The following FHIT variants were observed in gnomAD, a reference collection of about 807,000 sequenced individuals.
The protein encoded by FHIT is bis(5'-adenosyl)-triphosphatase.
FHIT carries 19 observed loss-of-function variants against 17.9 expected under a neutral mutation model. That is an observed-to-expected ratio of 1.06 (90% CI 0.74 to 1.56). FHIT has a LOEUF of 1.56. Ranked by LOEUF, FHIT falls within the 40% of genes most tolerant of loss-of-function variation. The pLI, the probability that FHIT is intolerant of heterozygous loss-of-function variation, is 0.00. For missense variants in FHIT, 248 were observed against 189.2 expected (o/e 1.31, Z -1.82); for synonymous variants, 81 against 69.7 (o/e 1.16, Z -0.81).
In FHIT at chr3:60,253,356, GAAC is replaced by G. The variant is rs1705824638; in HGVS notation, c.104-239207_104-239205del. Among the ~76,000 whole-genome samples, 3 of 152,268 alleles carry G rather than the reference GAAC, an allele frequency of 2.0e-5. 1 individual carries two copies. Among genetic ancestry groups the G allele is most frequent in the African/African-American group, 2.4e-5 (1 of 41,556 alleles). On this transcript the variant is annotated intron_variant, in intron 5 of 9. Transcript: ENST00000492590. The stretch of plus-strand genomic sequence containing the variant: ...ATTCTGGCATGTTTCTAGTTATTAA[GAAC>G]AACTCTGCTGAACAGCAATTTGGGA...
Position 60,888,704 on chromosome 3 carries a change from T to C in FHIT, c.-110-66693A>G, listed in dbSNP as rs369026031. ...TAAGATATTACTTGATTACATTCAA[T>C]AGGCATAATGTCCATATAAGAACAA... On this transcript the variant is annotated intron_variant, in intron 3 of 9. Coordinates refer to ENST00000492590, the MANE Select transcript of FHIT (RefSeq NM_002012.4). 2.1e-4 allele frequency among the ~76,000 whole-genome samples: 32 copies of C among 152,344 alleles called. 1 individual carries two copies. In the South Asian group the frequency reaches 4.1e-3, roughly 20 times the overall value.
chr3:59,752,837 A>C (rs926315763), intron 8 of FHIT, among the ~76,000 whole-genome samples: 29 of 152,168 alleles, frequency 1.9e-4, no homozygotes, highest in Admixed American at 7.2e-4. Flanking sequence ...CTTTCTGTAC[A>C]GCCTGAGAAA....
At chr3:60,605,075 A>G (rs965681386) in intron 4 of FHIT, among the ~76,000 whole-genome samples, 11 of 152,080 alleles carry the variant, frequency 7.2e-5, no homozygotes, top group African/African-American at 2.4e-4. Flanking sequence ...TTTGTTCACA[A>G]CTAAGTTGAG....
intron 3 of FHIT, among the ~76,000 whole-genome samples, chr3:60,950,026 A>G (rs1027531803): frequency 2.0e-5 from 3 of 152,232 alleles, no homozygotes; most frequent in African/African-American, 7.2e-5. Flanking sequence ...TGGAGCTAAA[A>G]AATTCCTACT....
intron 4 of FHIT, among the ~76,000 whole-genome samples, chr3:60,813,990 G>T (rs1217685429): frequency 6.6e-6 from 1 of 151,738 alleles, no homozygotes; most frequent in African/African-American, 2.4e-5. Flanking sequence ...TTATTTAAAG[G>T]CTATCTCTTA....
intron 8 of FHIT, among the ~76,000 whole-genome samples, chr3:59,827,816 T>A (rs1040646194): frequency 6.6e-6 from 1 of 152,238 alleles, no homozygotes; most frequent in African/African-American, 2.4e-5. Flanking sequence ...GATCTACAGA[T>A]AATGTATATT....
chr3:60,225,852 C>T (rs1455580357), intron 5 of FHIT, among the ~76,000 whole-genome samples: 1 of 152,096 alleles, frequency 6.6e-6, no homozygotes, highest in East Asian at 1.9e-4. Flanking sequence ...TCCACTTTTG[C>T]ACTTCCCTCA....
At chr3:60,284,804 G>T (rs1164277790) in intron 5 of FHIT, among the ~76,000 whole-genome samples, 1 of 152,056 alleles carries the variant, frequency 6.6e-6, no homozygotes, top group African/African-American at 2.4e-5. Context: ...TAACAGTAGT[G>T]GTAGCAATGG....
rs552599199 is a variant in FHIT at position 60,533,024 on chromosome 3, C to G, written c.103+3836G>C. On this transcript the variant is annotated intron_variant, in intron 5 of 9. Transcript: ENST00000492590. ...CATTTTACATAAAGATGCCAATATA[C>G]TGCCCTTAAAACACAGATTGGTCCA... Among the ~76,000 whole-genome samples the G allele has an allele frequency of 7.9e-5, 12 of 152,314 alleles. No homozygotes were observed. In the South Asian group the frequency reaches 2.3e-3, roughly 29 times the overall value.
At chr3:60,520,962 G>T (rs146319688) in intron 5 of FHIT, among the ~76,000 whole-genome samples, 1 of 150,840 alleles carries the variant, frequency 6.6e-6, no homozygotes, top group Non-Finnish European at 1.5e-5. Context: ...CCTCATAGAA[G>T]AGAAAAAAAA....
intron 8 of FHIT, among the ~76,000 whole-genome samples, chr3:59,791,470 C>T (rs1332530701): frequency 6.6e-6 from 1 of 152,118 alleles, no homozygotes; most frequent in Non-Finnish European, 1.5e-5. Context: ...ATTGCTTGTG[C>T]CCCTGGATCC....
intron 8 of FHIT, among the ~76,000 whole-genome samples, chr3:59,803,134 C>T (rs181284507): frequency 4.6e-5 from 7 of 152,238 alleles, no homozygotes; most frequent in Admixed American, 3.3e-4. Flanking sequence ...TTTATGTTTC[C>T]GCTACATTTA....
chr3:60,756,093 C>G (rs186983591), intron 4 of FHIT, among the ~76,000 whole-genome samples: 236 of 152,230 alleles, frequency 1.6e-3, no homozygotes, highest in Non-Finnish European at 2.7e-3. Context: ...AAGAAAATAC[C>G]TGGCACAGAG....
chr3:60,374,054 C>A (rs571881211), intron 5 of FHIT, among the ~76,000 whole-genome samples: 143 of 152,286 alleles, frequency 9.4e-4, no homozygotes, highest in Non-Finnish European at 1.9e-3. Context: ...TTGAAATTTA[C>A]ATGACACTGG....
chr3:60,538,284 A>G (rs895523521), intron 4 of FHIT, among the ~76,000 whole-genome samples: 4 of 152,236 alleles, frequency 2.6e-5, no homozygotes, highest in Non-Finnish European at 2.9e-5. Context: ...TCAACGAAAT[A>G]AAAGAGGACA....
At chr3:60,236,653 C>T (rs910922289) in intron 5 of FHIT, among the ~76,000 whole-genome samples, 5 of 151,982 alleles carry the variant, frequency 3.3e-5, no homozygotes, top group African/African-American at 7.3e-5. Flanking sequence ...TTCATGTATC[C>T]ATCTATTAGA....
intron 7 of FHIT, among the ~76,000 whole-genome samples, chr3:59,985,272 G>A (rs918980848): frequency 6.6e-6 from 1 of 152,062 alleles, no homozygotes. Context: ...AACACAGAAT[G>A]CTCCGCCTTC....
At chr3:60,866,746 C>T (rs1553753944) in intron 3 of FHIT, among the ~76,000 whole-genome samples, 2 of 152,192 alleles carry the variant, frequency 1.3e-5, no homozygotes, top group African/African-American at 4.8e-5. Context: ...AAACAAGCTG[C>T]TTTTCATATT....
chr3:60,104,051 G>T (rs1406761697), intron 5 of FHIT, among the ~76,000 whole-genome samples: 3 of 152,130 alleles, frequency 2.0e-5, no homozygotes, highest in Non-Finnish European at 4.4e-5. Flanking sequence ...CCTACATGAG[G>T]CCAGGATTTT....
Sources: allele counts gnomAD v4.1 joint callset (sites outside exome capture counted in the v4.1 genomes callset), GRCh38; gene constraint gnomAD v4.1.1; transcripts MANE v1.5; gene names NCBI Gene and HGNC (gene_info 2026-07-23, HGNC 2026-07-21).